The following CNTNAP2 variants were observed in gnomAD, a reference collection of about 807,000 sequenced individuals.
CNTNAP2 encodes the protein contactin-associated protein-like 2.
In CNTNAP2, 98 loss-of-function variants were observed where a neutral mutation model predicts 155.2. That is an observed-to-expected ratio of 0.63 (90% CI 0.54 to 0.75). The LOEUF (loss-of-function observed/expected upper bound fraction) is 0.75, where lower values mean the gene tolerates loss of function less well. Ranked by LOEUF, CNTNAP2 falls within the 30% of genes least tolerant of loss-of-function variation. The probability of loss-of-function intolerance (pLI) is 0.00; values close to 1 mark genes in which losing one functional copy is unlikely to be tolerated. For missense variants in CNTNAP2, 1,727 were observed against 1,688.1 expected (o/e 1.02, Z -0.40); for synonymous variants, 651 against 631.2 (o/e 1.03, Z -0.47).
chr7:146,801,600 G>T (rs1359138229), intron 2 of CNTNAP2, among the ~76,000 whole-genome samples: 5 of 152,248 alleles, frequency 3.3e-5, no homozygotes, highest in Admixed American at 2.0e-4. Context: ...TGACTAAAAA[G>T]TTGGTTAGAT....
At chr7:146,530,481 C>T (rs560261389) in intron 1 of CNTNAP2, among the ~76,000 whole-genome samples, 1 of 152,174 alleles carries the variant, frequency 6.6e-6, no homozygotes, top group East Asian at 1.9e-4. Flanking sequence ...AACTGTGCAT[C>T]CAACAGCAGT....
At position 146,151,657 on chromosome 7, in the gene CNTNAP2, T is replaced by C. The variant is rs1473688412; in HGVS notation, c.97+34684T>C. On this transcript the variant is annotated intron_variant, in intron 1 of 23. Transcript: ENST00000361727. ...CGTGATATATATATATATATATATA[T>C]ATATATATATATATATATATATATG... 6.0e-3 allele frequency among the ~76,000 whole-genome samples: 213 copies of C among 35,354 alleles called. 5 individuals are homozygous for C. The highest frequency in any genetic ancestry group is 8.1e-3 in the African/African-American group (71 of 8,778). 23.2% of individuals were successfully genotyped at this position (35,354 alleles called of 152,430 possible).
chr7:148,040,158 G>A (rs1028788689), intron 15 of CNTNAP2, among the ~76,000 whole-genome samples: 1 of 152,080 alleles, frequency 6.6e-6, no homozygotes, highest in Admixed American at 6.5e-5. Context: ...GCAAATGTTT[G>A]AATTTCTAAA....
At chr7:146,435,050 A>G (rs538706329) in intron 1 of CNTNAP2, among the ~76,000 whole-genome samples, 67 of 152,314 alleles carry the variant, frequency 4.4e-4, no homozygotes, top group African/African-American at 1.6e-3. Context: ...CAAAAGGTAT[A>G]GAAGATGAAG....
In CNTNAP2 at chr7:148,247,842, T is replaced by C. The variant is rs553851532; in HGVS notation, c.3381+18063T>C. ...CTAATTTTTGTATTTTTAGTAGAGATGAAGTTTCATCATGCTGGCCAGGCT... is the reference window on the plus strand; with the variant it reads ...CTAATTTTTGTATTTTTAGTAGAGACGAAGTTTCATCATGCTGGCCAGGCT... On this transcript the variant is annotated intron_variant, in intron 20 of 23. Coordinates refer to ENST00000361727, the MANE Select transcript of CNTNAP2 (RefSeq NM_014141.6). 4.0e-5 allele frequency among the ~76,000 whole-genome samples: 6 copies of C among 151,644 alleles called. No homozygotes were observed. In the South Asian group the frequency reaches 1.3e-3, roughly 32 times the overall value.
chr7:148,154,769 T>TTTAG (rs1331621006), intron 17 of CNTNAP2, among the ~76,000 whole-genome samples: 3 of 152,128 alleles, frequency 2.0e-5, no homozygotes, highest in Non-Finnish European at 4.4e-5. Context: ...AATTTCTGTC[T>TTTAG]TTACTAAAGA....
At chr7:147,124,296 G>A (rs554102457) in intron 6 of CNTNAP2, among the ~76,000 whole-genome samples, 1 of 152,158 alleles carries the variant, frequency 6.6e-6, no homozygotes, top group Non-Finnish European at 1.5e-5. Flanking sequence ...GCAATGTCCT[G>A]CTTCCCCAAG....
intron 1 of CNTNAP2, among the ~76,000 whole-genome samples, chr7:146,687,366 A>G (rs1800618620): frequency 6.6e-6 from 1 of 152,304 alleles, no homozygotes; most frequent in East Asian, 1.9e-4. Context: ...CACACCAGCT[A>G]TATAGGGTCA....
At chr7:147,096,944 A>G (rs149998828) in intron 4 of CNTNAP2, among the ~76,000 whole-genome samples, 1 of 152,348 alleles carries the variant, frequency 6.6e-6, no homozygotes, top group African/African-American at 2.4e-5. Flanking sequence ...ATTATCTCAC[A>G]ACATGTGTAC....
Position 146,552,898 on chromosome 7 carries a change from A to G in CNTNAP2, c.98-221373A>G, listed in dbSNP as rs148312038. Reference sequence around the variant, plus strand: ...CCCTAATTCCCTTCACTCCCTTCCTATCTTCATTCCAAAGGCCACTTTCCA... The same window carrying G: ...CCCTAATTCCCTTCACTCCCTTCCTGTCTTCATTCCAAAGGCCACTTTCCA... On this transcript the variant is annotated intron_variant, in intron 1 of 23. Transcript: ENST00000361727. Among the ~76,000 whole-genome samples the G allele has an allele frequency of 3.1e-3, 464 of 152,078 alleles. 1 individual carries two copies. The highest frequency in any genetic ancestry group is 0.011 in the African/African-American group (439 of 41,492).
intron 1 of CNTNAP2, among the ~76,000 whole-genome samples, chr7:146,565,760 A>G (rs1429062357): frequency 1.3e-5 from 2 of 152,246 alleles, no homozygotes; most frequent in African/African-American, 4.8e-5. Context: ...TTTAGAATAA[A>G]CGATGTGAGT....
At chr7:147,916,603 A>C (rs926395862) in intron 14 of CNTNAP2, among the ~76,000 whole-genome samples, 4 of 152,058 alleles carry the variant, frequency 2.6e-5, no homozygotes, top group African/African-American at 9.7e-5. Context: ...AAAAAAAAAA[A>C]AAAAATACAG....
chr7:147,654,211 AC>A (rs1264189186), intron 13 of CNTNAP2, among the ~76,000 whole-genome samples: 13 of 152,346 alleles, frequency 8.5e-5, no homozygotes, highest in South Asian at 2.1e-4. Flanking sequence ...GAATAACTAG[AC>A]AAATGTTCTC....
chr7:146,869,235 A>C (rs1795261341), intron 3 of CNTNAP2, among the ~76,000 whole-genome samples: 2 of 152,152 alleles, frequency 1.3e-5, no homozygotes, highest in African/African-American at 2.4e-5. Flanking sequence ...AGTGGTGTTA[A>C]ATTTTATTGA....
intron 15 of CNTNAP2, among the ~76,000 whole-genome samples, chr7:147,997,533 G>C (rs1479166027): frequency 2.0e-5 from 3 of 147,834 alleles, no homozygotes; most frequent in Non-Finnish European, 4.4e-5. Flanking sequence ...TCCAGCCTGG[G>C]CAACAAGAGC....
intron 8 of CNTNAP2, among the ~76,000 whole-genome samples, chr7:147,158,842 TC>T (rs1311012453): frequency 6.6e-6 from 1 of 152,010 alleles, no homozygotes; most frequent in Non-Finnish European, 1.5e-5. Context: ...TAAAACAGGC[TC>T]CCTGAGCAGA....
chr7:148,190,140 C>A (rs1795181536), intron 18 of CNTNAP2: 1 of 152,180 alleles, frequency 6.6e-6, no homozygotes, highest in South Asian at 2.1e-4. Flanking sequence ...TGCCTGACTT[C>A]CAAAGCTAGG....
chr7:146,288,544 T>C (rs1195834564), intron 1 of CNTNAP2, among the ~76,000 whole-genome samples: 1 of 151,958 alleles, frequency 6.6e-6, no homozygotes, highest in Non-Finnish European at 1.5e-5. Context: ...AAAAGTGTTT[T>C]ATTTTATGCC....
rs193268158 is a variant in CNTNAP2, at chr7:147,230,826, A to G, written c.1349-69315A>G. On this transcript the variant is annotated intron_variant, in intron 8 of 23. Coordinates refer to ENST00000361727, the MANE Select transcript of CNTNAP2 (RefSeq NM_014141.6). ...CTTTTAGATTCCACATATATGTGAG[A>G]TTATACACTATTTGTCCTTCTGTGT... Among the ~76,000 whole-genome samples, 404 of 152,268 alleles carry G rather than the reference A, an allele frequency of 2.7e-3. 1 individual carries two copies. The highest frequency in any genetic ancestry group is 9.1e-3 in the African/African-American group (378 of 41,550).
Sources: allele counts gnomAD v4.1 joint callset (sites outside exome capture counted in the v4.1 genomes callset), GRCh38; gene constraint gnomAD v4.1.1; transcripts MANE v1.5; gene names NCBI Gene and HGNC (gene_info 2026-07-23, HGNC 2026-07-21).